The following RABGAP1 variants were observed in gnomAD, a reference collection of about 807,000 sequenced individuals.
RABGAP1 encodes RAB GTPase activating protein 1, also known as rab GTPase-activating protein 1.
Under a neutral mutation model 137.6 loss-of-function variants are expected in RABGAP1, and 23 were observed. The ratio of observed to expected loss-of-function variants is 0.17; its 90% CI spans 0.12 to 0.24. RABGAP1 has a LOEUF of 0.24. RABGAP1 is among the 10% of genes least tolerant of loss of function. The pLI is 1.00. For synonymous variants in RABGAP1, 451 were observed against 450.7 expected (o/e 1.00, Z -0.01); for missense variants, 906 against 1,275.8 (o/e 0.71, Z 4.42).
At chr9:123,067,749 T>C (rs1429048377) in intron 14 of RABGAP1, among the ~76,000 whole-genome samples, 1 of 152,206 alleles carries the variant, frequency 6.6e-6, no homozygotes, top group Non-Finnish European at 1.5e-5. Flanking sequence ...ATTAGTGAAA[T>C]GTCTTTTCTT....
At chr9:123,039,218 A>T (rs888010968) in intron 13 of RABGAP1, among the ~76,000 whole-genome samples, 12 of 152,128 alleles carry the variant, frequency 7.9e-5, no homozygotes, top group Non-Finnish European at 1.5e-4. Context: ...CCCAGACTTG[A>T]GAAGAGAAGC....
chr9:123,008,112 T>C (rs1170397165), intron 10 of RABGAP1, among the ~76,000 whole-genome samples: 1 of 152,036 alleles, frequency 6.6e-6, no homozygotes, highest in African/African-American at 2.4e-5. Flanking sequence ...CTTCAACAAT[T>C]AACATTTTTC....
At chr9:122,947,197 A>T (rs1179353486) in intron 1 of RABGAP1, among the ~76,000 whole-genome samples, 1 of 152,268 alleles carries the variant, frequency 6.6e-6, no homozygotes, top group Non-Finnish European at 1.5e-5. Context: ...CAATATGAAT[A>T]AACCTTGAAG....
intron 13 of RABGAP1, among the ~76,000 whole-genome samples, chr9:123,021,116 G>A (rs575624855): frequency 2.0e-4 from 30 of 152,176 alleles, no homozygotes; most frequent in Admixed American, 7.9e-4. Context: ...TTATCTTCAG[G>A]AAGCAGTTTC....
intron 13 of RABGAP1, chr9:123,035,604 A>G: frequency 6.3e-7 from 1 of 1,583,400 alleles, no homozygotes; most frequent in African/African-American, 1.4e-5. Context: ...CTCTTAATGG[A>G]TGTCATATCT....
At chr9:122,934,208 G>A in the RABGAP1 span, among the ~76,000 whole-genome samples, 1 of 151,684 alleles carries the variant, frequency 6.6e-6, no homozygotes, top group Admixed American at 6.6e-5. Flanking sequence ...CTCCCGAGTA[G>A]CTGGGACTAC....
At chr9:123,060,766 A>G (rs562736910) in intron 13 of RABGAP1, among the ~76,000 whole-genome samples, 7 of 152,336 alleles carry the variant, frequency 4.6e-5, no homozygotes, top group African/African-American at 9.6e-5. Flanking sequence ...TACCACTACA[A>G]TTACAGGGTT....
intron 2 of RABGAP1, among the ~76,000 whole-genome samples, chr9:122,976,466 TCAGAATAA>T (rs1385085718): frequency 3.3e-5 from 5 of 152,202 alleles, no homozygotes; most frequent in Non-Finnish European, 7.3e-5. Flanking sequence ...TGACACTTGC[TCAGAATAA>T]TGAAAACAGA....
At chr9:122,932,963 C>T in the RABGAP1 span, among the ~76,000 whole-genome samples, 1 of 152,202 alleles carries the variant, frequency 6.6e-6, no homozygotes. Context: ...TGTATGATAT[C>T]TATCTTGTAA....
chr9:122,957,532 G>C (rs1249249667), intron 2 of RABGAP1, among the ~76,000 whole-genome samples: 1 of 152,030 alleles, frequency 6.6e-6, no homozygotes, highest in Non-Finnish European at 1.5e-5. Context: ...TTTACATAAT[G>C]TAAGGGCACT....
intron 13 of RABGAP1, among the ~76,000 whole-genome samples, chr9:123,032,484 G>T (rs1240482405): frequency 6.6e-6 from 1 of 152,216 alleles, no homozygotes; most frequent in Non-Finnish European, 1.5e-5. Context: ...CCGCGTCTGG[G>T]ACTGGCCAGA....
intron 13 of RABGAP1, among the ~76,000 whole-genome samples, chr9:123,024,037 A>C: frequency 6.6e-6 from 1 of 152,232 alleles, no homozygotes; most frequent in Non-Finnish European, 1.5e-5. Context: ...TATGGGGTAC[A>C]TGTGGGAAAT....
chr9:122,932,603 C>A, the RABGAP1 span, among the ~76,000 whole-genome samples: 2 of 149,926 alleles, frequency 1.3e-5, no homozygotes, highest in Non-Finnish European at 3.0e-5. Flanking sequence ...GATCTCGGCT[C>A]ACCGCAACCT....
intron 2 of RABGAP1, chr9:122,971,999 A>G (rs1035381744): frequency 1.3e-5 from 2 of 152,254 alleles, no homozygotes; most frequent in African/African-American, 4.8e-5. Flanking sequence ...CATCATAGCC[A>G]GAGAGAAAAT....
At chr9:123,061,239 C>A (rs2033958660) in intron 13 of RABGAP1, among the ~76,000 whole-genome samples, 1 of 152,164 alleles carries the variant, frequency 6.6e-6, no homozygotes, top group Non-Finnish European at 1.5e-5. Context: ...TTGCTTCAGC[C>A]TCCCGAATAG....
intron 19 of RABGAP1, among the ~76,000 whole-genome samples, chr9:123,079,546 CTT>C (rs1166236433): frequency 6.6e-6 from 1 of 152,036 alleles, no homozygotes; most frequent in Non-Finnish European, 1.5e-5. Flanking sequence ...GCCCGCCACT[CTT>C]GTTTAAATTT....
Position 123,074,321 on chromosome 9 carries a change from A to G in RABGAP1, c.2146A>G (p.Ile716Val), listed in dbSNP as rs1437588270. ...IPDLYNHFLD[I>V]SLEAHMYASQ... ...TGACCTGTACAACCACTTCCTGGAT[A>G]TAAGCCTTGAAGCACACATGTATGC... is the stretch of plus-strand genomic sequence containing the variant. The change falls in exon 17 of 26, where the codon ATA becomes GTA. Residue 716 changes from isoleucine (I) to valine (V), a missense_variant. Ile to Val is a conservative substitution (Grantham distance 29). Around this residue, in one of 9 missense-constraint regions of RABGAP1, gnomAD observed 19 missense variants for 63.0 expected, o/e 0.30. Transcript: ENST00000373647. 2 of 1,613,698 alleles carry G rather than the reference A, an allele frequency of 1.2e-6. No individual in the cohort carries two copies. Among genetic ancestry groups the G allele is most frequent in the East Asian group, 2.2e-5 (1 of 44,886 alleles).
chr9:122,994,104 A>G (rs1303553881), intron 6 of RABGAP1, among the ~76,000 whole-genome samples: 2 of 152,244 alleles, frequency 1.3e-5, no homozygotes, highest in East Asian at 3.8e-4. Flanking sequence ...TTAAGCCTGT[A>G]CTTCAGTTTC....
chr9:122,982,188 C>T (rs1358853023), intron 2 of RABGAP1, among the ~76,000 whole-genome samples: 1 of 152,142 alleles, frequency 6.6e-6, no homozygotes, highest in East Asian at 1.9e-4. Context: ...TGTTAGGTTA[C>T]TATTTTTAAA....
Sources: gnomAD v4.1 joint callset for allele counts (sites outside exome capture counted in the v4.1 genomes callset) on GRCh38, gnomAD v4.1.1 for gene constraint, gnomAD v4.1.1 regional missense constraint, MANE v1.5 for transcripts, NCBI Gene and HGNC (gene_info 2026-07-23, HGNC 2026-07-21) for gene names.